The following PIP5K1B variants were observed in gnomAD, a reference collection of about 807,000 sequenced individuals.
PIP5K1B encodes phosphatidylinositol-4-phosphate 5-kinase type 1 beta, also known as phosphatidylinositol 4-phosphate 5-kinase type-1 beta.
Under a neutral mutation model 67.0 loss-of-function variants are expected in PIP5K1B, and 42 were observed. The observed-to-expected ratio is 0.63, with a 90% confidence interval of 0.49 to 0.81. PIP5K1B has a LOEUF of 0.81. Among genes scored for constraint, PIP5K1B ranks in the 30% least tolerant of loss-of-function variants. The probability of loss-of-function intolerance (pLI) is 0.00; values close to 1 mark genes in which losing one functional copy is unlikely to be tolerated. For missense variants in PIP5K1B, 459 were observed against 646.3 expected, an observed-to-expected ratio of 0.71 and a Z score of 3.14; for synonymous variants, 214 against 231.4, an observed-to-expected ratio of 0.92 and a Z score of 0.68.
chr9:68,724,903 A>T (rs914389482), intron 1 of PIP5K1B, among the ~76,000 whole-genome samples: 1 of 152,188 alleles, frequency 6.6e-6, no homozygotes, highest in Non-Finnish European at 1.5e-5. Context: ...AAACAAAGTG[A>T]ACAACTCAAA....
chr9:68,761,673 CAAA>C (rs1830191307), intron 2 of PIP5K1B, among the ~76,000 whole-genome samples: 1 of 152,076 alleles, frequency 6.6e-6, no homozygotes, highest in African/African-American at 2.4e-5. Flanking sequence ...CTTCCGTCTT[CAAA>C]GCTGCAGTAG....
At chr9:68,719,986 T>C (rs1227697041) in intron 1 of PIP5K1B, among the ~76,000 whole-genome samples, 1 of 152,022 alleles carries the variant, frequency 6.6e-6, no homozygotes, top group Non-Finnish European at 1.5e-5. Flanking sequence ...CCTTACATTT[T>C]TGTTTGTTTC....
At chr9:68,830,883 A>T (rs539220263) in intron 4 of PIP5K1B, among the ~76,000 whole-genome samples, 1 of 152,304 alleles carries the variant, frequency 6.6e-6, no homozygotes, top group Non-Finnish European at 1.5e-5. Context: ...AGCTCAGCCA[A>T]CCTGGTTCCG....
chr9:68,788,190 G>A (rs1889937), intron 2 of PIP5K1B: 208,877 of 308,972 alleles, frequency 0.68, 71,693 homozygotes, highest in East Asian at 0.78. Flanking sequence ...CAGGCTAAGG[G>A]GAAAAAGGAA....
At chr9:68,708,541 G>GCCCCCCC (rs35373175) in intron 1 of PIP5K1B, among the ~76,000 whole-genome samples, 5 of 145,508 alleles carry the variant, frequency 3.4e-5, no homozygotes, top group Non-Finnish European at 7.5e-5. Flanking sequence ...TTTGTTTGCC[G>GCCCCCCC]CCCCCCCGCC....
chr9:68,813,408 A>G (rs1833270785), intron 2 of PIP5K1B, among the ~76,000 whole-genome samples: 1 of 152,250 alleles, frequency 6.6e-6, no homozygotes, highest in Non-Finnish European at 1.5e-5. Context: ...GCAATGAAAG[A>G]GTAAAAATAT....
intron 14 of PIP5K1B, among the ~76,000 whole-genome samples, chr9:68,976,541 T>C (rs1339865483): frequency 6.6e-6 from 1 of 152,182 alleles, no homozygotes; most frequent in Non-Finnish European, 1.5e-5. Flanking sequence ...ATTGTACTGC[T>C]CCTCTGAGCC....
chr9:68,949,977 G>C (rs188854675), intron 14 of PIP5K1B, among the ~76,000 whole-genome samples: 4 of 152,344 alleles, frequency 2.6e-5, no homozygotes, highest in East Asian at 3.9e-4. Context: ...TCCGCTTGTT[G>C]TATAGTTATC....
At chr9:68,754,464 C>T (rs964726968) in intron 2 of PIP5K1B, among the ~76,000 whole-genome samples, 18 of 152,170 alleles carry the variant, frequency 1.2e-4, no homozygotes, top group Admixed American at 1.1e-3. Context: ...CCACCACGCC[C>T]GGCCGGTTCC....
At chr9:68,780,223 C>A in intron 2 of PIP5K1B, 1 of 1,539,630 alleles carries the variant, frequency 6.5e-7, no homozygotes, top group African/African-American at 1.4e-5. Context: ...GGCGGGAGCC[C>A]GGCGGAGGGC....
intron 15 of PIP5K1B, among the ~76,000 whole-genome samples, chr9:69,006,768 G>A (rs1262946083): frequency 6.6e-6 from 1 of 152,208 alleles, no homozygotes; most frequent in Non-Finnish European, 1.5e-5. Flanking sequence ...GTGATCTATA[G>A]AACGAGGAAA....
At chr9:68,938,238 T>C (rs1283314025) in intron 13 of PIP5K1B, among the ~76,000 whole-genome samples, 1 of 152,198 alleles carries the variant, frequency 6.6e-6, no homozygotes, top group Non-Finnish European at 1.5e-5. Context: ...AGTCTAAGTC[T>C]CTTTGTAGGT....
chr9:68,971,158 C>T (rs889332446), intron 14 of PIP5K1B, among the ~76,000 whole-genome samples: 2 of 152,120 alleles, frequency 1.3e-5, no homozygotes, highest in Non-Finnish European at 2.9e-5. Context: ...CCCCACTCCC[C>T]GACAGGCCCC....
chr9:68,931,423 T>C (rs1477517405), intron 12 of PIP5K1B, among the ~76,000 whole-genome samples: 1 of 152,206 alleles, frequency 6.6e-6, no homozygotes, highest in Non-Finnish European at 1.5e-5. Flanking sequence ...GATTAGTTCC[T>C]CCCTCAATAA....
At chr9:68,931,841 C>T (rs1827015300) in intron 12 of PIP5K1B, among the ~76,000 whole-genome samples, 1 of 152,160 alleles carries the variant, frequency 6.6e-6, no homozygotes. Context: ...GCGTTTCTGC[C>T]ACACAAAAGG....
chr9:68,996,261 A>C (rs968083560), intron 15 of PIP5K1B, among the ~76,000 whole-genome samples: 1 of 152,200 alleles, frequency 6.6e-6, no homozygotes, highest in Non-Finnish European at 1.5e-5. Flanking sequence ...GAAATTAAAA[A>C]GGATTGGTGA....
intron 14 of PIP5K1B, among the ~76,000 whole-genome samples, chr9:68,942,384 G>A (rs537862242): frequency 7.9e-5 from 12 of 152,248 alleles, no homozygotes; most frequent in African/African-American, 2.6e-4. Flanking sequence ...GCATATAATC[G>A]GATGTGCTCT....
At chr9:68,814,104 G>C (rs1052296959) in intron 2 of PIP5K1B, among the ~76,000 whole-genome samples, 1 of 152,162 alleles carries the variant, frequency 6.6e-6, no homozygotes, top group African/African-American at 2.4e-5. Flanking sequence ...GTCACAAGAG[G>C]TGACTGCCCC....
chr9:68,837,081 C>T (rs1834654179), intron 4 of PIP5K1B, among the ~76,000 whole-genome samples: 1 of 152,230 alleles, frequency 6.6e-6, no homozygotes, highest in African/African-American at 2.4e-5. Flanking sequence ...GCGTTCAGCA[C>T]CCAGATGGCC....
Sources: gnomAD v4.1 joint callset for allele counts (sites outside exome capture counted in the v4.1 genomes callset) on GRCh38, gnomAD v4.1.1 for gene constraint, MANE v1.5 for transcripts, NCBI Gene and HGNC (gene_info 2026-07-23, HGNC 2026-07-21) for gene names.